Variants in EVPL observed in about 807,000 individuals in gnomAD.
EVPL encodes 210 kDa cornified envelope precursor protein.
In EVPL, 94 loss-of-function variants were observed where a neutral mutation model predicts 129.7. The observed-to-expected ratio is 0.72, with a 90% confidence interval of 0.61 to 0.86. EVPL has a LOEUF of 0.86. Among genes scored for constraint, EVPL ranks in the 40% least tolerant of loss-of-function variants. EVPL has a pLI of 0.00. For missense variants in EVPL, 2,625 were observed against 2,721.1 expected (o/e 0.96, Z 0.79); for synonymous variants, 1,172 against 1,191.1 (o/e 0.98, Z 0.33).
At position 76,018,508 on chromosome 17, in the gene EVPL, A is replaced by G; in HGVS notation, c.1377T>C (p.Arg459=). Reference sequence around the variant, plus strand: ...GGATGCAGAAGCAGGCGGCGGGAGCACGCTTGGTCTCCCCGCCAGGGCCCT... The same window carrying G: ...GGATGCAGAAGCAGGCGGCGGGAGCGCGCTTGGTCTCCCCGCCAGGGCCCT... ...VVQGPGGETK[R]APAACFCIPA... is the part of the protein sequence containing the mutation. Residue 459 remains arginine (R), a synonymous_variant, in exon 12 of 22, where the codon CGT becomes CGC. Coordinates refer to ENST00000301607, the MANE Select transcript of EVPL (RefSeq NM_001988.4). 6 of 1,612,566 alleles carry G rather than the reference A, an allele frequency of 3.7e-6. No homozygotes were observed. The highest frequency in any genetic ancestry group is 4.2e-6 in the Non-Finnish European group (5 of 1,179,828).
rs774976045 is a variant in EVPL at position 76,007,147 on chromosome 17, A to AGCGGTACCC, written c.6049_6057dup (p.Gly2017_Arg2019dup). 8 of 1,496,790 alleles carry AGCGGTACCC rather than the reference A, an allele frequency of 5.3e-6. No individual in the cohort carries two copies. Among genetic ancestry groups the AGCGGTACCC allele is most frequent in the Non-Finnish European group, 7.1e-6 (8 of 1,121,646 alleles). The allele number at this position is 1,496,790 out of a possible 1,614,324, so 92.7% of individuals were successfully genotyped here. On this transcript the variant is annotated inframe_insertion, in exon 22 of 22. Coordinates refer to ENST00000301607, the MANE Select transcript of EVPL (RefSeq NM_001988.4). This position sits in a 1 kb window ranked among gnomAD's most constrained non-coding sequence, Gnocchi z 8.8. ...ACGGTGGGGGAGGCGGAGCGGTAGC[A>AGCGGTACCC]GCGGTACCCCTCCAGTGCCGCTGGC...
rs1242348249 is a variant in EVPL, at chr17:76,014,401, G to A, written c.2373+25C>T. The A allele has an allele frequency of 6.9e-6, 11 of 1,597,684 alleles. No homozygotes were observed. In the African/African-American group the frequency reaches 9.4e-5, roughly 14 times the overall value. On this transcript the variant is annotated intron_variant, in intron 18 of 21. Transcript: ENST00000301607. ...CCACTAGGGGGCCACATGGGCACAG[G>A]CAGCTGTCCCTGCCCCAGCCTCACC...
rs767835531 is a variant in EVPL at position 76,023,331 on chromosome 17, T to A, written c.441A>T (p.Gly147=). The A allele has an allele frequency of 1.1e-5, 18 of 1,613,804 alleles. No individual in the cohort carries two copies. Among genetic ancestry groups the A allele is most frequent in the Non-Finnish European group, 1.5e-5 (18 of 1,179,976 alleles). The change falls in exon 4 of 22, where the codon GGA becomes GGT. Residue 147 remains glycine, a synonymous_variant. Transcript: ENST00000301607. The part of the protein sequence containing the change: ...YEKMVLPPDV[G]PRVDWARVLE... ...GCACGCGTGCCCAGTCGACCCTGGGTCCCACGTCGGGGGGCAGCACCATCT... is the reference window on the plus strand; with the variant it reads ...GCACGCGTGCCCAGTCGACCCTGGGACCCACGTCGGGGGGCAGCACCATCT...
At chr17:76,015,869 C>A (rs1374971854) in intron 14 of EVPL, among the ~76,000 whole-genome samples, 1 of 152,168 alleles carries the variant, frequency 6.6e-6, no homozygotes, top group African/African-American at 2.4e-5. Flanking sequence ...AGGGGCCGGG[C>A]GCAGTGGCTC....
At chr17:76,018,323 T>G (rs1235127163) in intron 12 of EVPL, 65 bp from the exon 13 acceptor site, 2 of 1,515,916 alleles carry the variant, frequency 1.3e-6, no homozygotes, top group Non-Finnish European at 1.8e-6. Flanking sequence ...CCAGCCCCAG[T>G]AGACGCAGCT....
rs527593938 is a variant in EVPL at position 76,013,575 on chromosome 17, C to T, written c.2373+851G>A. On this transcript the variant is annotated intron_variant, in intron 18 of 21. Transcript: ENST00000301607. The surrounding 1 kb of genome is among the most constrained non-coding windows in gnomAD (Gnocchi z 4.3). ...TTGTCCCCAACAGAACCCTGGGCAT[C>T]ACCGGGCCCCGTCCATCTCACTCAC... is the stretch of plus-strand genomic sequence containing the variant. Among the ~76,000 whole-genome samples, 1 of 152,288 alleles carries T rather than the reference C, an allele frequency of 6.6e-6. No homozygotes were observed. The highest frequency in any genetic ancestry group is 1.9e-4 in the East Asian group (1 of 5,178).
Position 76,013,364 on chromosome 17 carries a change from C to T in EVPL, c.2373+1062G>A, listed in dbSNP as rs908462594. 4.6e-5 allele frequency among the ~76,000 whole-genome samples: 7 copies of T among 152,162 alleles called. No individual in the cohort carries two copies. Among genetic ancestry groups the T allele is most frequent in the African/African-American group, 1.7e-4 (7 of 41,426 alleles). On this transcript the variant is annotated intron_variant, in intron 18 of 21. Transcript: ENST00000301607. This position sits in a 1 kb window ranked among gnomAD's most constrained non-coding sequence, Gnocchi z 4.3. The stretch of plus-strand genomic sequence containing the variant: ...TCCGGCAGTCCCAGACCCATCTTTG[C>T]TCTCACGAGCTCCTAGGGGAACCCC...
rs369794941 is a variant in EVPL at position 76,027,247 on chromosome 17, C to T, written c.-49G>A. 503 of 1,386,316 alleles carry T rather than the reference C, an allele frequency of 3.6e-4. No individual in the cohort carries two copies. The highest frequency in any genetic ancestry group is 4.9e-4 in the Non-Finnish European group (481 of 979,248). The allele number at this position is 1,386,316 out of a possible 1,614,324, so 85.9% of individuals were successfully genotyped here. A position where few individuals can be genotyped will look rare whatever the true frequency, so the allele number is the denominator to read the frequency against. On this transcript the variant is annotated 5_prime_UTR_variant, in exon 1 of 22. Coordinates refer to ENST00000301607, the MANE Select transcript of EVPL (RefSeq NM_001988.4). ...CAGGCTGGGCTTGGCTGGCGAAAGA[C>T]GGCAGGAGGGCAGGTGGGAGGCAGC... is the stretch of plus-strand genomic sequence containing the variant.
rs771335253 is a variant in EVPL, at chr17:76,007,587, C to A, written c.5618G>T (p.Ser1873Ile). Reference sequence around the variant, plus strand: ...CTTGTGCACAGAGTAGCGCTCACGGCTGAGCAGGTCCACGATGCCCCCTGT... The same window carrying A: ...CTTGTGCACAGAGTAGCGCTCACGGATGAGCAGGTCCACGATGCCCCCTGT... ...AATGGIVDLL[S>I]RERYSVHKAM... The change falls in exon 22 of 22, where the codon AGC (serine) becomes ATC (isoleucine). Residue 1873 changes from serine (S) to isoleucine (I), a missense_variant. Physicochemically the swap from Ser to Ile is moderately radical, Grantham distance 142. Coordinates refer to ENST00000301607, the MANE Select transcript of EVPL (RefSeq NM_001988.4). This position sits in a 1 kb window ranked among gnomAD's most constrained non-coding sequence, Gnocchi z 8.8. The A allele has an allele frequency of 6.2e-7, 1 of 1,614,044 alleles. No individual in the cohort carries two copies. Among genetic ancestry groups the A allele is most frequent in the Non-Finnish European group, 8.5e-7 (1 of 1,180,044 alleles).
In EVPL at chr17:76,021,744, C is replaced by G. The variant is rs1014251243; in HGVS notation, c.845G>C (p.Ser282Thr). The G allele has an allele frequency of 1.2e-6, 2 of 1,610,036 alleles. No homozygotes were observed. The highest frequency in any genetic ancestry group is 2.7e-5 in the African/African-American group (2 of 74,870). Residue 282 changes from serine to threonine, a missense_variant, in exon 8 of 22, where the codon AGC becomes ACC. Around this residue, in one of 4 missense-constraint regions of EVPL, gnomAD observed 1,024 missense variants for 997.5 expected, o/e 1.03. Coordinates refer to ENST00000301607, the MANE Select transcript of EVPL (RefSeq NM_001988.4). ...GCCGTCGTCCTCCAGCTGGTTCACG[C>G]TCTGCTCCTGGCTCAGCAGCTCGTG... is the stretch of plus-strand genomic sequence containing the variant. Reference protein sequence around the residue: ...KQHELLSQEQSVNQLEDDGER... With the variant: ...KQHELLSQEQTVNQLEDDGER...
Position 76,009,001 on chromosome 17 carries a change from G to C in EVPL, c.4204C>G (p.Arg1402Gly), listed in dbSNP as rs757856034. ...SGSLDEEVGR[R>G]RQLELEVQQL... ...TGCACCTCAAGCTCTAGCTGGCGCC[G>C]CCGGCCCACCTCCTCATCCAGGCTC... Residue 1402 changes from arginine to glycine, a missense_variant, in exon 22 of 22, where the codon CGG (arginine) becomes GGG (glycine). Transcript: ENST00000301607. This position sits in a 1 kb window ranked among gnomAD's most constrained non-coding sequence, Gnocchi z 5.9. 2.5e-6 allele frequency: 4 copies of C among 1,612,148 alleles called. No individual in the cohort carries two copies. Among genetic ancestry groups the C allele is most frequent in the Non-Finnish European group, 3.4e-6 (4 of 1,179,858 alleles).
At chr17:76,026,878 G>A (rs1332989590) in intron 1 of EVPL, among the ~76,000 whole-genome samples, 1 of 152,242 alleles carries the variant, frequency 6.6e-6, no homozygotes, top group Non-Finnish European at 1.5e-5. Flanking sequence ...GGAGCCCCAG[G>A]TCATCCCCTG....
In EVPL at chr17:76,022,457, CCTT is replaced by C. The variant is rs747101399; in HGVS notation, c.559_561del (p.Lys187del). The C allele has an allele frequency of 2.4e-5, 38 of 1,613,864 alleles. 1 individual carries two copies. The South Asian group carries it at 3.4e-4, about 14-fold the overall frequency. ...AGCTGCTGCCCATAGGCGTCGATCT[CCTT>C]CTGCAGGATGTTGTGCTCGGCGATC... On this transcript the variant is annotated inframe_deletion, in exon 5 of 22. Transcript: ENST00000301607. This position sits in a 1 kb window ranked among gnomAD's most constrained non-coding sequence, Gnocchi z 5.6.
Position 76,010,150 on chromosome 17 carries a change from C to T in EVPL, c.3055G>A (p.Val1019Ile), listed in dbSNP as rs769693376. Reference protein sequence around the residue: ...TMQPHLLTKEVTQVERDPGLD... With the variant: ...TMQPHLLTKEITQVERDPGLD... ...CCGGGGTCCCTCTCCACCTGGGTGA[C>T]CTCCTTGGTCAGCAGATGAGGCTGC... Residue 1019 changes from valine (V) to isoleucine (I), a missense_variant, in exon 22 of 22, where the codon GTC becomes ATC. Val to Ile is a conservative substitution (Grantham distance 29). Around this residue, in one of 4 missense-constraint regions of EVPL, gnomAD observed 1,453 missense variants for 1,511.8 expected, o/e 0.96. Coordinates refer to ENST00000301607, the MANE Select transcript of EVPL (RefSeq NM_001988.4). 3.1e-6 allele frequency: 5 copies of T among 1,614,120 alleles called. No individual in the cohort carries two copies. The highest frequency in any genetic ancestry group is 1.6e-4 in the Middle Eastern group (1 of 6,062).
intron 14 of EVPL, 54 bp from the exon 15 acceptor site, chr17:76,015,682 TC>T: frequency 6.5e-7 from 1 of 1,547,460 alleles, no homozygotes; most frequent in Non-Finnish European, 8.8e-7. Flanking sequence ...GCCCGACTCT[TC>T]TACCAGGATA....
At chr17:76,011,908 G>T (rs913094277) in intron 19 of EVPL, 26 bp from the exon 20 acceptor site, 20 of 1,610,438 alleles carry the variant, frequency 1.2e-5, no homozygotes, top group Non-Finnish European at 1.7e-5. Context: ...AGGACAGCAG[G>T]CTGGCAACCA....
Position 76,013,752 on chromosome 17 carries a change from C to T in EVPL, c.2373+674G>A, listed in dbSNP as rs541378772. ...CCTGGCTCCTCGTGGGCCTCCGTGTCTTCATTCCCACCCTCTTAGTCATTC... is the reference window on the plus strand; with the variant it reads ...CCTGGCTCCTCGTGGGCCTCCGTGTTTTCATTCCCACCCTCTTAGTCATTC... On this transcript the variant is annotated intron_variant, in intron 18 of 21. Coordinates refer to ENST00000301607, the MANE Select transcript of EVPL (RefSeq NM_001988.4). This position sits in a 1 kb window ranked among gnomAD's most constrained non-coding sequence, Gnocchi z 4.3. 1.8e-4 allele frequency among the ~76,000 whole-genome samples: 27 copies of T among 152,178 alleles called. 1 individual carries two copies. The highest frequency in any genetic ancestry group is 5.1e-4 in the African/African-American group (21 of 41,438).
Position 76,021,600 on chromosome 17 carries a change from C to CCT in EVPL, c.916-38_916-37insAG, listed in dbSNP as rs757878635. The CCT allele has an allele frequency of 2.1e-6, 3 of 1,457,982 alleles. No individual in the cohort carries two copies. The South Asian group carries it at 3.7e-5, about 18-fold the overall frequency. 90.3% of individuals were successfully genotyped at this position (1,457,982 alleles called of 1,614,324 possible). ...AGCATGGAGCCCTCGGACCACGCCC[C>CCT]CCCCACGTCCGCCCCACCTCCCCCC... On this transcript the variant is annotated intron_variant, in intron 8 of 21. Coordinates refer to ENST00000301607, the MANE Select transcript of EVPL (RefSeq NM_001988.4).
rs1215089367 is a variant in EVPL, at chr17:76,007,856, C to A, written c.5349G>T (p.Glu1783Asp). 1.9e-6 allele frequency: 3 copies of A among 1,612,406 alleles called. No individual in the cohort carries two copies. The highest frequency in any genetic ancestry group is 2.5e-6 in the Non-Finnish European group (3 of 1,178,714). Residue 1783 changes from glutamate to aspartate, a missense_variant, in exon 22 of 22, where the codon GAG (glutamate) becomes GAT (aspartate). Coordinates refer to ENST00000301607, the MANE Select transcript of EVPL (RefSeq NM_001988.4). The surrounding 1 kb of genome is among the most constrained non-coding windows in gnomAD (Gnocchi z 8.8). ...ISEFALLVAG[E>D]TKPSSSLSIG... ...TGGAGAGTGAGGAGCTTGGCTTGGT[C>A]TCCCCAGCTACAAGCAGCGCAAACT... is the stretch of plus-strand genomic sequence containing the variant.
Sources: gnomAD v4.1 joint callset for allele counts (sites outside exome capture counted in the v4.1 genomes callset) on GRCh38, gnomAD v4.1.1 for gene constraint, gnomAD v4.1.1 regional missense constraint, Gnocchi (gnomAD v3.1) non-coding constraint, MANE v1.5 for transcripts, NCBI Gene and HGNC (gene_info 2026-07-23, HGNC 2026-07-21) for gene names.